The following SH3RF3 variants were observed in gnomAD, a reference collection of about 807,000 sequenced individuals.
SH3RF3 encodes the protein E3 ubiquitin-protein ligase SH3RF3.
In SH3RF3, 29 loss-of-function variants were observed where a neutral mutation model predicts 66.3. The ratio of observed to expected loss-of-function variants is 0.44; its 90% CI spans 0.33 to 0.60. SH3RF3 has a LOEUF of 0.60. Among genes scored for constraint, SH3RF3 ranks in the 20% least tolerant of loss-of-function variants. SH3RF3 has a pLI of 0.04. For synonymous variants in SH3RF3, 583 were observed against 532.0 expected (o/e 1.10, Z -1.32); for missense variants, 1,194 against 1,190.9 (o/e 1.00, Z -0.04).
At chr2:109,497,214 A>T (rs188373313) in intron 9 of SH3RF3, among the ~76,000 whole-genome samples, 1 of 152,336 alleles carries the variant, frequency 6.6e-6, no homozygotes, top group East Asian at 1.9e-4. Context: ...TGTCCAGGGT[A>T]TAGAAGTATT....
At chr2:109,492,397 T>A (rs1166337322) in intron 9 of SH3RF3, among the ~76,000 whole-genome samples, 1 of 152,174 alleles carries the variant, frequency 6.6e-6, no homozygotes, top group Non-Finnish European at 1.5e-5. Context: ...GCTACTGACT[T>A]CTGCTAACCA....
rs948169288 is a variant in SH3RF3, at chr2:109,129,806, G to A, written c.266G>A (p.Arg89His). 6 of 1,538,102 alleles carry A rather than the reference G, an allele frequency of 3.9e-6. No homozygotes were observed. In the South Asian group the frequency reaches 4.8e-5, roughly 12 times the overall value. The change falls in exon 1 of 10, where the codon CGC becomes CAC. Residue 89 changes from arginine to histidine, a missense_variant. Transcript: ENST00000309415. ...TGCCTGGAGAGCATCGTGTGCTCGC[G>A]CCACGAGCTGCGCTGCCCCGAGTGC... is the stretch of plus-strand genomic sequence containing the variant. Reference protein sequence around the residue: ...RRCLESIVCSRHELRCPECRI... With the variant: ...RRCLESIVCSHHELRCPECRI...
chr2:109,471,217 A>AAG (rs1678497069), intron 8 of SH3RF3, among the ~76,000 whole-genome samples: 1 of 151,370 alleles, frequency 6.6e-6, no homozygotes, highest in African/African-American at 2.4e-5. Context: ...AAAAAAAAAA[A>AAG]AAAAAAAAAA....
At chr2:109,325,837 C>G (rs1682141799) in intron 1 of SH3RF3, among the ~76,000 whole-genome samples, 1 of 152,194 alleles carries the variant, frequency 6.6e-6, no homozygotes, top group Non-Finnish European at 1.5e-5. Context: ...GAGCAGGGAC[C>G]ACACCTCCCT....
Position 109,503,570 on chromosome 2 carries a change from A to G in SH3RF3, c.*1899A>G, listed in dbSNP as rs1254104674. The G allele has an allele frequency of 2.0e-5, 3 of 152,178 alleles. No individual in the cohort carries two copies. The highest frequency in any genetic ancestry group is 7.2e-5 in the African/African-American group (3 of 41,450). The allele number at this position is 152,178 out of a possible 1,614,324, so 9.4% of individuals were successfully genotyped here. On this transcript the variant is annotated 3_prime_UTR_variant, in exon 10 of 10. Coordinates refer to ENST00000309415, the MANE Select transcript of SH3RF3 (RefSeq NM_001099289.3). ...AATGACAACCAAAAGCTCTCTATTT[A>G]CCATTATTGCCAAACTTCATCAGTT...
chr2:109,167,373 G>T lies in SH3RF3; in HGVS notation c.573+37260G>T, dbSNP rs149046506. Reference sequence around the variant, plus strand: ...AATTGAATTATTAGCTCTCTCTGATGCCTGGACCATATTTGATATAAAAGT... The same window carrying T: ...AATTGAATTATTAGCTCTCTCTGATTCCTGGACCATATTTGATATAAAAGT... On this transcript the variant is annotated intron_variant, in intron 1 of 9. Transcript: ENST00000309415. Among the ~76,000 whole-genome samples the T allele has an allele frequency of 4.3e-4, 66 of 152,252 alleles. 1 individual carries two copies. The highest frequency in any genetic ancestry group is 1.4e-3 in the African/African-American group (60 of 41,552).
At chr2:109,449,995 C>G (rs906952406) in intron 8 of SH3RF3, among the ~76,000 whole-genome samples, 3 of 152,152 alleles carry the variant, frequency 2.0e-5, no homozygotes, top group African/African-American at 4.8e-5. Flanking sequence ...AGAATGCTGA[C>G]CTGATGGCTG....
chr2:109,470,197 A>G (rs1254301479), intron 8 of SH3RF3, among the ~76,000 whole-genome samples: 8 of 152,192 alleles, frequency 5.3e-5, no homozygotes, highest in Non-Finnish European at 1.2e-4. Context: ...CTGGGACCTC[A>G]CTACGTAAAG....
intron 1 of SH3RF3, among the ~76,000 whole-genome samples, chr2:109,178,060 G>C (rs1677968512): frequency 6.6e-6 from 1 of 152,072 alleles, no homozygotes; most frequent in South Asian, 2.1e-4. Flanking sequence ...TAAGGTATAA[G>C]CAAACAAACA....
intron 1 of SH3RF3, among the ~76,000 whole-genome samples, chr2:109,303,733 A>G (rs537009301): frequency 3.8e-4 from 58 of 152,348 alleles, no homozygotes; most frequent in Admixed American, 1.6e-3. Context: ...CCTGGTTGGC[A>G]TATAAAAAGC....
intron 4 of SH3RF3, among the ~76,000 whole-genome samples, chr2:109,417,186 C>T (rs1027467609): frequency 3.3e-5 from 5 of 152,170 alleles, no homozygotes; most frequent in Non-Finnish European, 7.4e-5. Context: ...TGCGCAGATG[C>T]CTGGGGCTGG....
At chr2:109,435,312 G>A (rs1240675572) in intron 6 of SH3RF3, among the ~76,000 whole-genome samples, 5 of 152,210 alleles carry the variant, frequency 3.3e-5, no homozygotes, top group Non-Finnish European at 7.3e-5. Flanking sequence ...CTCCAAAGCT[G>A]TGCCCCCAGG....
chr2:109,447,792 C>T (rs1677751801), intron 7 of SH3RF3, among the ~76,000 whole-genome samples: 1 of 152,210 alleles, frequency 6.6e-6, no homozygotes, highest in African/African-American at 2.4e-5. Context: ...GGAGCTGTAT[C>T]TTTTCATATG....
At chr2:109,376,372 G>A (rs866984164) in intron 3 of SH3RF3, among the ~76,000 whole-genome samples, 2 of 152,228 alleles carry the variant, frequency 1.3e-5, no homozygotes, top group African/African-American at 4.8e-5. Context: ...AATCAGCTCG[G>A]GTTGGAGAGA....
Position 109,347,807 on chromosome 2 carries a change from T to C in SH3RF3, c.707T>C (p.Leu236Pro). The change falls in exon 2 of 10, where the codon CTG becomes CCG. Residue 236 changes from leucine (L) to proline (P), a missense_variant. Transcript: ENST00000309415. Reference protein sequence around the residue: ...KVDEQWYHGELHGTQGFLPAS... With the variant: ...KVDEQWYHGEPHGTQGFLPAS... ...GATGAACAGTGGTACCACGGCGAGC[T>C]GCACGGCACACAGGGCTTCCTCCCA... 1 of 1,613,970 alleles carries C rather than the reference T, an allele frequency of 6.2e-7. No individual in the cohort carries two copies. Among genetic ancestry groups the C allele is most frequent in the Non-Finnish European group, 8.5e-7 (1 of 1,179,868 alleles).
At chr2:109,151,683 C>T (rs1275963139) in intron 1 of SH3RF3, among the ~76,000 whole-genome samples, 1 of 152,216 alleles carries the variant, frequency 6.6e-6, no homozygotes, top group African/African-American at 2.4e-5. Context: ...GTTTCCAGGG[C>T]CCAGTAGGCA....
intron 4 of SH3RF3, among the ~76,000 whole-genome samples, chr2:109,404,598 C>G (rs995628882): frequency 2.2e-4 from 34 of 152,246 alleles, no homozygotes; most frequent in African/African-American, 7.9e-4. Context: ...CAGAGGCTGC[C>G]ACGGGCACAC....
intron 1 of SH3RF3, among the ~76,000 whole-genome samples, chr2:109,235,536 AG>A (rs1442956279): frequency 1.3e-5 from 2 of 152,254 alleles, no homozygotes; most frequent in Admixed American, 1.3e-4. Flanking sequence ...GAGAGCAAGA[AG>A]CAGGTGCTGC....
At chr2:109,245,718 AAC>A (rs1001586261) in intron 1 of SH3RF3, among the ~76,000 whole-genome samples, 2 of 152,220 alleles carry the variant, frequency 1.3e-5, no homozygotes, top group African/African-American at 4.8e-5. Flanking sequence ...TAAATATCTT[AAC>A]AAATTCAGGA....
Sources: gnomAD v4.1 joint callset for allele counts (sites outside exome capture counted in the v4.1 genomes callset) on GRCh38, gnomAD v4.1.1 for gene constraint, MANE v1.5 for transcripts, NCBI Gene and HGNC (gene_info 2026-07-23, HGNC 2026-07-21) for gene names.